Variants in KCNAB1 observed in about 807,000 individuals in gnomAD.
The protein encoded by KCNAB1 is voltage-gated potassium channel subunit beta-1.
KCNAB1 carries 35 observed loss-of-function variants against 64.6 expected under a neutral mutation model. The ratio of observed to expected loss-of-function variants is 0.54; its 90% confidence interval spans 0.41 to 0.72. KCNAB1 has a LOEUF of 0.72. KCNAB1 is among the 30% of genes least tolerant of loss of function. The pLI is 0.00. For synonymous variants in KCNAB1, 177 were observed against 183.8 expected, an observed-to-expected ratio of 0.96 and a Z score of 0.30; for missense variants, 401 against 512.9, an observed-to-expected ratio of 0.78 and a Z score of 2.11.
intron 1 of KCNAB1, among the ~76,000 whole-genome samples, chr3:156,377,183 C>T (rs2108138806): frequency 6.6e-6 from 1 of 152,244 alleles, no homozygotes; most frequent in South Asian, 2.1e-4. Flanking sequence ...CATGGAGATG[C>T]TCAGGAGGCA....
At chr3:156,272,458 C>G (rs933083563) in intron 1 of KCNAB1, among the ~76,000 whole-genome samples, 12 of 152,058 alleles carry the variant, frequency 7.9e-5, no homozygotes, top group Non-Finnish European at 1.6e-4. Context: ...CCCCTTTCCC[C>G]AGGCAGACGA....
At chr3:156,161,258 AC>A (rs1040398840) in intron 1 of KCNAB1, among the ~76,000 whole-genome samples, 14 of 152,250 alleles carry the variant, frequency 9.2e-5, no homozygotes, top group African/African-American at 3.1e-4. Context: ...GGGGGTGCTC[AC>A]CAAATCCTGT....
intron 1 of KCNAB1, among the ~76,000 whole-genome samples, chr3:156,407,166 A>T (rs1714304156): frequency 6.6e-6 from 1 of 152,132 alleles, no homozygotes; most frequent in Admixed American, 6.5e-5. Context: ...CTCTAATCTC[A>T]TCTGGTCCTG....
At chr3:156,156,574 A>T (rs1715739112) in intron 1 of KCNAB1, among the ~76,000 whole-genome samples, 1 of 152,232 alleles carries the variant, frequency 6.6e-6, no homozygotes, top group African/African-American at 2.4e-5. Context: ...TTTGAAAAAT[A>T]AATGGATATG....
At chr3:156,522,527 T>C (rs929365902) in intron 11 of KCNAB1, among the ~76,000 whole-genome samples, 1 of 152,210 alleles carries the variant, frequency 6.6e-6, no homozygotes, top group Non-Finnish European at 1.5e-5. Context: ...GGGAAAACTT[T>C]AGCCATCTCC....
At chr3:156,329,128 C>T (rs1723171736) in intron 1 of KCNAB1, among the ~76,000 whole-genome samples, 1 of 152,106 alleles carries the variant, frequency 6.6e-6, no homozygotes, top group Non-Finnish European at 1.5e-5. Context: ...TCTCTAATAT[C>T]TTCAGGGTGA....
intron 1 of KCNAB1, chr3:156,291,702 G>A (rs1170316929): frequency 2.8e-6 from 4 of 1,423,232 alleles, no homozygotes; most frequent in Non-Finnish European, 2.7e-6. Flanking sequence ...TGGGTCCCCG[G>A]GGACTCTTTC....
chr3:156,236,369 G>T (rs1351637995), intron 1 of KCNAB1, among the ~76,000 whole-genome samples: 1 of 152,176 alleles, frequency 6.6e-6, no homozygotes, highest in South Asian at 2.1e-4. Context: ...TCACCTGGGG[G>T]AGATTTGCAA....
chr3:156,447,963 G>T lies in KCNAB1; in HGVS notation c.320-4936G>T, dbSNP rs76954477. 3.6e-3 allele frequency among the ~76,000 whole-genome samples: 542 copies of T among 152,304 alleles called. 2 individuals carry two copies. Among genetic ancestry groups the T allele is most frequent in the Non-Finnish European group, 6.2e-3 (423 of 68,022 alleles). ...ACATGTTTTTTGAATGAGTACGCAA[G>T]AAGTAATTACCCTGATAATCACCAA... On this transcript the variant is annotated intron_variant, in intron 2 of 13. Transcript: ENST00000490337.
At chr3:156,476,609 C>T (rs1411679223) in intron 8 of KCNAB1, among the ~76,000 whole-genome samples, 1 of 151,780 alleles carries the variant, frequency 6.6e-6, no homozygotes, top group Non-Finnish European at 1.5e-5. Flanking sequence ...ATATATATCT[C>T]ACAGTTTCTT....
At chr3:156,426,539 G>A (rs1429120205) in intron 2 of KCNAB1, among the ~76,000 whole-genome samples, 1 of 152,002 alleles carries the variant, frequency 6.6e-6, no homozygotes, top group Non-Finnish European at 1.5e-5. Flanking sequence ...ACACTCTATG[G>A]GTTTTGACAA....
At chr3:156,322,214 A>C (rs1297335880) in intron 1 of KCNAB1, among the ~76,000 whole-genome samples, 2 of 152,202 alleles carry the variant, frequency 1.3e-5, no homozygotes, top group African/African-American at 4.8e-5. Context: ...GGAAACCACC[A>C]ACAGAATGGT....
At chr3:156,159,123 G>T (rs898156397) in intron 1 of KCNAB1, among the ~76,000 whole-genome samples, 1 of 152,206 alleles carries the variant, frequency 6.6e-6, no homozygotes. Context: ...ATGAGCTCAT[G>T]TGGTGGTAAA....
At chr3:156,509,079 A>T (rs12485798) in intron 8 of KCNAB1, among the ~76,000 whole-genome samples, 8 of 150,862 alleles carry the variant, frequency 5.3e-5, no homozygotes, top group African/African-American at 2.0e-4. Context: ...AGTGGGGCGG[A>T]GGGGAAAGAG....
At chr3:156,394,275 G>A (rs1393836792) in intron 1 of KCNAB1, among the ~76,000 whole-genome samples, 1 of 152,208 alleles carries the variant, frequency 6.6e-6, no homozygotes, top group Admixed American at 6.5e-5. Context: ...CTAGAATGGA[G>A]CTCAGCAGTA....
At chr3:156,162,076 G>A (rs1011923329) in intron 1 of KCNAB1, among the ~76,000 whole-genome samples, 1 of 152,096 alleles carries the variant, frequency 6.6e-6, no homozygotes, top group Non-Finnish European at 1.5e-5. Context: ...CAAGACTTTA[G>A]AATAAACATT....
At chr3:156,137,222 GT>G (rs140820273) in intron 1 of KCNAB1, among the ~76,000 whole-genome samples, 80,531 of 132,004 alleles carry the variant, frequency 0.61, 22,589 homozygotes, top group Admixed American at 0.72. Context: ...TCATACATTG[GT>G]GGGGGGGGAT....
Position 156,158,169 on chromosome 3 carries a change from A to AAAAAAAAT in KCNAB1, c.275+37289_275+37290insATAAAAAA, listed in dbSNP as rs1553810275. On this transcript the variant is annotated intron_variant, in intron 1 of 13. Transcript: ENST00000490337. ...GACAGAGCGAAACTCTGTCTCAAAAAAAAAAATAAAAAATAAATAAATAAA... is the reference window on the plus strand; with the variant it reads ...GACAGAGCGAAACTCTGTCTCAAAAAAAAAAAATAAAAAATAAAAAATAAATAAATAAA... 5.7e-3 allele frequency among the ~76,000 whole-genome samples: 461 copies of AAAAAAAAT among 80,770 alleles called. 18 individuals are homozygous for AAAAAAAAT. The highest frequency in any genetic ancestry group is 0.02 in the African/African-American group (411 of 20,720). 53.0% of individuals were successfully genotyped at this position (80,770 alleles called of 152,430 possible).
intron 1 of KCNAB1, chr3:156,143,560 T>A (rs1714838509): frequency 3.9e-6 from 2 of 512,204 alleles, no homozygotes; most frequent in South Asian, 1.2e-4. Context: ...CTTCTTGGGT[T>A]GCATTCTTGT....
Sources: gnomAD v4.1 joint callset for allele counts (sites outside exome capture counted in the v4.1 genomes callset) on GRCh38, gnomAD v4.1.1 for gene constraint, MANE v1.5 for transcripts, NCBI Gene and HGNC (gene_info 2026-07-23, HGNC 2026-07-21) for gene names.